SLC2A13: variants seen among roughly 807,000 people sequenced by gnomAD.
SLC2A13 encodes the protein proton myo-inositol cotransporter.
In SLC2A13, 32 loss-of-function variants were observed where a neutral mutation model predicts 64.4. The ratio of observed to expected loss-of-function variants is 0.50; its 90% confidence interval spans 0.37 to 0.67. SLC2A13 has a LOEUF of 0.67. Ranked by LOEUF, SLC2A13 falls within the 30% of genes least tolerant of loss-of-function variation. The probability of loss-of-function intolerance (pLI) is 0.00; values close to 1 mark genes in which losing one functional copy is unlikely to be tolerated. For synonymous variants in SLC2A13, 338 were observed against 327.1 expected (o/e 1.03, Z -0.36); for missense variants, 743 against 829.2 (o/e 0.90, Z 1.28).
At chr12:40,050,981 C>T (rs894321961) in intron 1 of SLC2A13, among the ~76,000 whole-genome samples, 1 of 152,100 alleles carries the variant, frequency 6.6e-6, no homozygotes, top group East Asian at 1.9e-4. Flanking sequence ...TCAATAAGAT[C>T]AGCAATTATT....
At chr12:39,977,915 G>A (rs1039789394) in intron 3 of SLC2A13, among the ~76,000 whole-genome samples, 3 of 152,126 alleles carry the variant, frequency 2.0e-5, no homozygotes, top group African/African-American at 4.8e-5. Flanking sequence ...TCCCCTAAAT[G>A]CCCATTTCCC....
chr12:39,846,223 A>C (rs1410727228), intron 6 of SLC2A13, among the ~76,000 whole-genome samples: 1 of 152,164 alleles, frequency 6.6e-6, no homozygotes, highest in African/African-American at 2.4e-5. Flanking sequence ...AAAGTATATC[A>C]ACATAGGTAT....
chr12:39,942,461 T>A (rs1350797112), intron 4 of SLC2A13, among the ~76,000 whole-genome samples: 1 of 152,206 alleles, frequency 6.6e-6, no homozygotes, highest in Non-Finnish European at 1.5e-5. Flanking sequence ...TATTTTATAT[T>A]TTTTTGCAGC....
chr12:39,977,230 G>C (rs1946777793), intron 3 of SLC2A13, among the ~76,000 whole-genome samples: 3 of 152,152 alleles, frequency 2.0e-5, no homozygotes, highest in African/African-American at 2.4e-5. Flanking sequence ...AGCAAACAAA[G>C]GCTCAAAGAG....
At chr12:39,828,936 A>G (rs557548423) in intron 7 of SLC2A13, among the ~76,000 whole-genome samples, 16 of 152,120 alleles carry the variant, frequency 1.1e-4, no homozygotes, top group African/African-American at 3.9e-4. Flanking sequence ...TGTGGTCTGG[A>G]TTTTTACTCA....
At chr12:39,836,630 C>A (rs1252238114) in intron 6 of SLC2A13, among the ~76,000 whole-genome samples, 1 of 146,032 alleles carries the variant, frequency 6.8e-6, no homozygotes, top group African/African-American at 2.6e-5. Context: ...TGATAAGCAA[C>A]TTCAGCAAAG....
At chr12:40,015,694 T>C (rs568107719) in intron 3 of SLC2A13, among the ~76,000 whole-genome samples, 5 of 152,286 alleles carry the variant, frequency 3.3e-5, no homozygotes, top group South Asian at 2.1e-4. Flanking sequence ...TCCTTTATTG[T>C]CTGTGTTCCT....
chr12:40,027,433 C>T (rs888820079), intron 3 of SLC2A13, among the ~76,000 whole-genome samples: 3 of 152,164 alleles, frequency 2.0e-5, no homozygotes, highest in Admixed American at 6.5e-5. Context: ...AATCAAGCCA[C>T]GTGTGGCTAA....
chr12:40,050,037 T>C (rs989456852), intron 1 of SLC2A13, among the ~76,000 whole-genome samples: 3 of 152,166 alleles, frequency 2.0e-5, no homozygotes, highest in Non-Finnish European at 2.9e-5. Context: ...AAGTTTCCAT[T>C]TGACTGCTAA....
intron 4 of SLC2A13, among the ~76,000 whole-genome samples, chr12:39,904,687 C>T (rs1445198101): frequency 6.6e-6 from 1 of 152,120 alleles, no homozygotes; most frequent in Non-Finnish European, 1.5e-5. Flanking sequence ...TCCAGCCTGT[C>T]CTTATATGCC....
intron 1 of SLC2A13, among the ~76,000 whole-genome samples, chr12:40,094,491 A>C (rs953334564): frequency 1.3e-5 from 2 of 152,200 alleles, no homozygotes; most frequent in African/African-American, 2.4e-5. Context: ...AAAGCCAAAG[A>C]AAATGGCCCA....
At chr12:39,895,066 A>G (rs1944705643) in intron 4 of SLC2A13, among the ~76,000 whole-genome samples, 1 of 152,020 alleles carries the variant, frequency 6.6e-6, no homozygotes, top group African/African-American at 2.4e-5. Flanking sequence ...ATGGGGTCTC[A>G]CTATGTTGTC....
intron 7 of SLC2A13, among the ~76,000 whole-genome samples, chr12:39,792,643 A>G (rs1941443223): frequency 6.6e-6 from 1 of 152,040 alleles, no homozygotes; most frequent in Non-Finnish European, 1.5e-5. Context: ...ACCAAAACCC[A>G]CACATACTCA....
chr12:39,782,517 T>G (rs1337249100), intron 7 of SLC2A13, among the ~76,000 whole-genome samples: 3 of 152,172 alleles, frequency 2.0e-5, no homozygotes, highest in Non-Finnish European at 4.4e-5. Flanking sequence ...CATGTGGAAC[T>G]GTAAGTCCAA....
intron 7 of SLC2A13, among the ~76,000 whole-genome samples, chr12:39,822,424 G>A (rs1942549538): frequency 6.6e-6 from 1 of 152,050 alleles, no homozygotes; most frequent in Non-Finnish European, 1.5e-5. Context: ...ATCTAAATAA[G>A]GCTCTTTAAC....
At chr12:39,980,233 A>G (rs1946863075) in intron 3 of SLC2A13, among the ~76,000 whole-genome samples, 1 of 152,122 alleles carries the variant, frequency 6.6e-6, no homozygotes, top group African/African-American at 2.4e-5. Flanking sequence ...CAAAATGTAA[A>G]GACCATCGAG....
intron 1 of SLC2A13, among the ~76,000 whole-genome samples, chr12:40,051,825 G>T (rs1948261497): frequency 1.3e-5 from 2 of 152,190 alleles, no homozygotes; most frequent in South Asian, 4.2e-4. Flanking sequence ...GCCAAATTAA[G>T]GGCTTAGTGC....
chr12:39,879,336 G>C (rs1944283706), intron 4 of SLC2A13, among the ~76,000 whole-genome samples: 1 of 152,168 alleles, frequency 6.6e-6, no homozygotes, highest in Admixed American at 6.5e-5. Flanking sequence ...CTAGACCCCA[G>C]AATGGTAGAT....
At chr12:39,784,043 G>A (rs1322028490) in intron 7 of SLC2A13, among the ~76,000 whole-genome samples, 1 of 152,148 alleles carries the variant, frequency 6.6e-6, no homozygotes, top group Non-Finnish European at 1.5e-5. Context: ...TCTTCAAGGA[G>A]AACTACAAAC....
Sources: allele counts gnomAD v4.1 joint callset (sites outside exome capture counted in the v4.1 genomes callset), GRCh38; gene constraint gnomAD v4.1.1; transcripts MANE v1.5; gene names NCBI Gene and HGNC (gene_info 2026-07-23, HGNC 2026-07-21).